COL9A1: variants seen among roughly 807,000 people sequenced by gnomAD.
COL9A1 encodes the protein collagen alpha-1(IX) chain.
A neutral mutation model predicts 142.6 loss-of-function variants in COL9A1; 104 were observed. The ratio of observed to expected loss-of-function variants is 0.73; its 90% confidence interval spans 0.62 to 0.86. The LOEUF (loss-of-function observed/expected upper bound fraction) is 0.86. COL9A1 is among the 40% of genes least tolerant of loss of function. The pLI is 0.00. For missense variants in COL9A1, 1,210 were observed against 1,176.6 expected (o/e 1.03, Z -0.42); for synonymous variants, 466 against 396.0 (o/e 1.18, Z -2.10).
chr6:70,236,161 A>G (rs1331020346), intron 33 of COL9A1, among the ~76,000 whole-genome samples: 1 of 151,314 alleles, frequency 6.6e-6, no homozygotes. Flanking sequence ...AGAAAGTTAC[A>G]ACTTACTTAA....
intron 36 of COL9A1, among the ~76,000 whole-genome samples, chr6:70,232,245 A>T (rs960286673): frequency 3.3e-5 from 5 of 152,200 alleles, no homozygotes; most frequent in Non-Finnish European, 7.3e-5. Flanking sequence ...GTCTCAAAAA[A>T]TAAATAAATA....
In COL9A1 at chr6:70,302,076, TGAA is replaced by T; in HGVS notation, c.15-5_15-3del. On this transcript the variant is annotated splice_polypyrimidine_tract_variant and splice_region_variant and intron_variant, in intron 1 of 37. Transcript: ENST00000357250. Reference sequence around the variant, plus strand: ...ACAAAGAAGAAAACTGGAATTTTCCTGAAGAAGAGAGAAGAAAAATGACTGAAA... The same window carrying T: ...ACAAAGAAGAAAACTGGAATTTTCCTGAAGAGAGAAGAAAAATGACTGAAA... The T allele has an allele frequency of 1.9e-6, 3 of 1,607,500 alleles. No individual in the cohort carries two copies. Among genetic ancestry groups the T allele is most frequent in the Non-Finnish European group, 2.5e-6 (3 of 1,176,548 alleles).
chr6:70,274,912 T>C (rs2127593022), intron 10 of COL9A1, 140 bp from the exon 11 acceptor site: 1 of 666,502 alleles, frequency 1.5e-6, no homozygotes, highest in East Asian at 2.7e-5. Context: ...AGAAATACCT[T>C]ACTATAGTCT....
chr6:70,285,609 A>G (rs921588645), intron 5 of COL9A1, among the ~76,000 whole-genome samples: 1 of 152,248 alleles, frequency 6.6e-6, no homozygotes. Context: ...GTGATGTCCC[A>G]ATAGAAGCCA....
chr6:70,234,299 C>CAAAAAAAAAAAAAAAAA (rs1376237848), intron 35 of COL9A1, among the ~76,000 whole-genome samples: 1 of 132,022 alleles, frequency 7.6e-6, no homozygotes. Context: ...AAAAACAAAA[C>CAAAAAAAAAAAAAAAAA]AAAACAAAAA....
chr6:70,294,099 C>G, intron 5 of COL9A1, 68 bp downstream of exon 5: 1 of 1,584,666 alleles, frequency 6.3e-7, no homozygotes, highest in Non-Finnish European at 8.7e-7. Context: ...ATCAAAGATG[C>G]TTGAGATGTT....
intron 5 of COL9A1, among the ~76,000 whole-genome samples, chr6:70,293,187 A>G (rs1467383747): frequency 2.0e-5 from 3 of 152,316 alleles, no homozygotes; most frequent in Admixed American, 1.3e-4. Context: ...CCGTGCTAGT[A>G]TGAGAGAAAG....
At chr6:70,243,668 C>G (rs967912265) in intron 28 of COL9A1, among the ~76,000 whole-genome samples, 3 of 152,104 alleles carry the variant, frequency 2.0e-5, no homozygotes. Flanking sequence ...GCTGGGAGTA[C>G]AGGTGCATGC....
At chr6:70,225,174 C>T (rs1178507841) in intron 37 of COL9A1, among the ~76,000 whole-genome samples, 1 of 152,180 alleles carries the variant, frequency 6.6e-6, no homozygotes, top group Non-Finnish European at 1.5e-5. Context: ...AGAGCGTTTG[C>T]TGGAAAGTTG....
intron 28 of COL9A1, among the ~76,000 whole-genome samples, chr6:70,247,332 T>G (rs1340354529): frequency 2.0e-5 from 3 of 152,256 alleles, no homozygotes; most frequent in African/African-American, 7.2e-5. Flanking sequence ...ACTGTTAGAC[T>G]TTTAAAAGAT....
In COL9A1 at chr6:70,275,974, A is replaced by G. The variant is rs1334440170; in HGVS notation, c.976-1202T>C. Among the ~76,000 whole-genome samples the G allele has an allele frequency of 2.0e-5, 3 of 152,308 alleles. No individual in the cohort carries two copies. The East Asian group carries it at 5.8e-4, about 29-fold the overall frequency. On this transcript the variant is annotated intron_variant, in intron 10 of 37. Coordinates refer to ENST00000357250, the MANE Select transcript of COL9A1 (RefSeq NM_001851.6). ...CATAATTCATATAGAAAACTAGTTC[A>G]GTGGCCACCATTTTTACATTTCTCT...
chr6:70,236,033 A>G, intron 33 of COL9A1, among the ~76,000 whole-genome samples: 1 of 149,766 alleles, frequency 6.7e-6, no homozygotes, highest in Admixed American at 6.7e-5. Flanking sequence ...GAAAGCCATG[A>G]ACCCAGGAGG....
chr6:70,302,892 T>C lies in COL9A1; in HGVS notation c.14+19A>G. 6.2e-7 allele frequency: 1 copy of C among 1,613,934 alleles called. No individual in the cohort carries two copies. Among genetic ancestry groups the C allele is most frequent in the Non-Finnish European group, 8.5e-7 (1 of 1,179,846 alleles). The stretch of plus-strand genomic sequence containing the variant: ...CCAGCTCCATCTCCCCACCACTCTT[T>C]CCAGGGTTATTGTCTTACCAGCAGG... On this transcript the variant is annotated intron_variant, in intron 1 of 37. Coordinates refer to ENST00000357250, the MANE Select transcript of COL9A1 (RefSeq NM_001851.6).
chr6:70,221,822 G>C (rs1029316130), intron 37 of COL9A1, among the ~76,000 whole-genome samples: 1 of 152,182 alleles, frequency 6.6e-6, no homozygotes, highest in South Asian at 2.1e-4. Context: ...GGCAAGTTTG[G>C]TGGCAGCAGA....
At chr6:70,257,442 G>A (rs930834336) in intron 20 of COL9A1, among the ~76,000 whole-genome samples, 1 of 152,066 alleles carries the variant, frequency 6.6e-6, no homozygotes, top group African/African-American at 2.4e-5. Context: ...TAATAGATTG[G>A]TAAATCTATT....
intron 17 of COL9A1, among the ~76,000 whole-genome samples, chr6:70,267,327 G>GTTTTTTTTGT (rs1554241918): frequency 1.6e-5 from 2 of 127,032 alleles, no homozygotes; most frequent in East Asian, 2.1e-4. Context: ...TGGTTTTTTT[G>GTTTTTTTTGT]TTTTTTTTTT....
chr6:70,236,112 C>CAAA lies in COL9A1; in HGVS notation c.2113-1175_2113-1173dup, dbSNP rs368419095. On this transcript the variant is annotated intron_variant, in intron 33 of 37. Coordinates refer to ENST00000357250, the MANE Select transcript of COL9A1 (RefSeq NM_001851.6). ...TGGGTGACAGAGCGAGACTCCATCTCAAAAAAAAAAAAAAAAAAAAAAAAA... is the reference window on the plus strand; with the variant it reads ...TGGGTGACAGAGCGAGACTCCATCTCAAAAAAAAAAAAAAAAAAAAAAAAAAAA... Among the ~76,000 whole-genome samples, 34 of 49,018 alleles carry CAAA rather than the reference C, an allele frequency of 6.9e-4. 1 individual carries two copies. Among genetic ancestry groups the CAAA allele is most frequent in the East Asian group, 6.3e-3 (4 of 638 alleles). The allele number at this position is 49,018 out of a possible 152,430, so 32.2% of individuals were successfully genotyped here.
At chr6:70,280,123 A>G (rs1773051441) in intron 10 of COL9A1, 1 of 559,024 alleles carries the variant, frequency 1.8e-6, no homozygotes, top group Non-Finnish European at 3.3e-6. Flanking sequence ...GGTTTACCAT[A>G]TAAGTCAGCA....
intron 6 of COL9A1, 23 bp from the exon 7 acceptor site, chr6:70,282,941 A>T (rs775961431): frequency 1.2e-6 from 2 of 1,613,916 alleles, no homozygotes; most frequent in Non-Finnish European, 1.7e-6. Flanking sequence ...AGATGGGGAG[A>T]AAGTGAGAAA....
Sources: gnomAD v4.1 joint callset for allele counts (sites outside exome capture counted in the v4.1 genomes callset) on GRCh38, gnomAD v4.1.1 for gene constraint, MANE v1.5 for transcripts, NCBI Gene and HGNC (gene_info 2026-07-23, HGNC 2026-07-21) for gene names.